The following TENM3 variants were observed in gnomAD, a reference collection of about 807,000 sequenced individuals.
TENM3 encodes the protein teneurin-3.
A neutral mutation model predicts 255.1 loss-of-function variants in TENM3; 63 were observed. The observed-to-expected ratio is 0.25, with a 90% CI of 0.20 to 0.30. The LOEUF (loss-of-function observed/expected upper bound fraction) is 0.30. TENM3 is among the 10% of genes least tolerant of loss of function. The pLI is 1.00. For synonymous variants in TENM3, 1,306 were observed against 1,322.3 expected (o/e 0.99, Z 0.27); for missense variants, 2,929 against 3,461.1 (o/e 0.85, Z 3.86).
intron 24 of TENM3, among the ~76,000 whole-genome samples, chr4:182,781,476 T>C (rs1765161767): frequency 6.6e-6 from 1 of 151,778 alleles, no homozygotes; most frequent in Admixed American, 6.6e-5. Flanking sequence ...TTATTGAGGA[T>C]TTTTGCATCA....
chr4:182,275,110 C>T (rs2150237650), intron 1 of TENM3, among the ~76,000 whole-genome samples: 1 of 152,266 alleles, frequency 6.6e-6, no homozygotes, highest in South Asian at 2.1e-4. Flanking sequence ...TAGGCTTGAG[C>T]CACCGCACCC....
the TENM3 span, among the ~76,000 whole-genome samples, chr4:181,765,418 A>C: frequency 6.6e-6 from 1 of 152,236 alleles, no homozygotes; most frequent in Non-Finnish European, 1.5e-5. Context: ...AAGCATTCAT[A>C]GAATTACCAC....
intron 3 of TENM3, among the ~76,000 whole-genome samples, chr4:182,543,143 A>C (rs1456933595): frequency 3.9e-5 from 6 of 152,276 alleles, no homozygotes; most frequent in Non-Finnish European, 7.4e-5. Flanking sequence ...GCATGGATGC[A>C]AGGATGGAGG....
intron 1 of TENM3, among the ~76,000 whole-genome samples, chr4:182,145,647 C>G (rs1031909223): frequency 6.6e-6 from 1 of 152,132 alleles, no homozygotes; most frequent in African/African-American, 2.4e-5. Flanking sequence ...ACATCACACA[C>G]GTGTGTTTCC....
upstream of TENM3, among the ~76,000 whole-genome samples, chr4:182,242,123 T>C (rs1757315964): frequency 9.4e-6 from 1 of 106,586 alleles, no homozygotes; most frequent in Admixed American, 8.9e-5. Context: ...GTTTGTTACA[T>C]ATATATACAT....
chr4:182,642,699 A>T (rs939829041), intron 5 of TENM3, among the ~76,000 whole-genome samples: 4 of 152,218 alleles, frequency 2.6e-5, no homozygotes, highest in Non-Finnish European at 5.9e-5. Context: ...CATAAAGCCT[A>T]TACTTTTAGA....
intron 22 of TENM3, among the ~76,000 whole-genome samples, chr4:182,760,028 C>T (rs1358910565): frequency 2.6e-5 from 4 of 152,102 alleles, no homozygotes; most frequent in Non-Finnish European, 5.9e-5. Flanking sequence ...ATATGTTTCA[C>T]GAGCTAAATA....
chr4:182,364,568 C>T (rs938551892), intron 3 of TENM3, among the ~76,000 whole-genome samples: 3 of 152,142 alleles, frequency 2.0e-5, no homozygotes, highest in Admixed American at 1.3e-4. Context: ...GGGCGCCCAC[C>T]ACCACGCCCG....
chr4:182,258,088 AATAT>A (rs1758541548), intron 1 of TENM3, among the ~76,000 whole-genome samples: 2 of 152,190 alleles, frequency 1.3e-5, no homozygotes, highest in Admixed American at 1.3e-4. Context: ...ACACACATAA[AATAT>A]ATAGTGTAGA....
chr4:182,679,195 A>C (rs558594981), intron 7 of TENM3, among the ~76,000 whole-genome samples: 1 of 147,016 alleles, frequency 6.8e-6, no homozygotes, highest in South Asian at 2.2e-4. Context: ...GTACCCCAGA[A>C]CTTAAAATAA....
the TENM3 span, among the ~76,000 whole-genome samples, chr4:181,549,244 C>T: frequency 6.6e-4 from 101 of 152,246 alleles, no homozygotes; most frequent in Non-Finnish European, 1.1e-3. Context: ...GACTGGAAGC[C>T]GGAGGCTCAG....
At chr4:182,128,484 G>A in the TENM3 span, among the ~76,000 whole-genome samples, 1 of 152,094 alleles carries the variant, frequency 6.6e-6, no homozygotes, top group Non-Finnish European at 1.5e-5. Flanking sequence ...GGGATTACAG[G>A]CTTCAGCCAC....
intron 5 of TENM3, among the ~76,000 whole-genome samples, chr4:182,649,645 A>G (rs1483735870): frequency 1.3e-5 from 2 of 150,638 alleles, no homozygotes; most frequent in Non-Finnish European, 1.5e-5. Context: ...GTTAAACAAA[A>G]TAGCCTGTTC....
the TENM3 span, among the ~76,000 whole-genome samples, chr4:181,599,375 G>A: frequency 6.6e-6 from 1 of 152,160 alleles, no homozygotes; most frequent in Non-Finnish European, 1.5e-5. Context: ...GCAGGACACT[G>A]TAACGTCGAT....
chr4:182,197,031 G>A (rs1753871420), intron 1 of TENM3, among the ~76,000 whole-genome samples: 1 of 152,132 alleles, frequency 6.6e-6, no homozygotes, highest in Non-Finnish European at 1.5e-5. Flanking sequence ...CCTCGGAGTT[G>A]CTGTTGCATT....
At chr4:181,826,648 GT>G in the TENM3 span, among the ~76,000 whole-genome samples, 1 of 152,132 alleles carries the variant, frequency 6.6e-6, no homozygotes, top group Non-Finnish European at 1.5e-5. Flanking sequence ...GGCAACCAGC[GT>G]TTTGTTGATT....
the TENM3 span, among the ~76,000 whole-genome samples, chr4:181,791,319 A>G: frequency 1.3e-5 from 2 of 152,292 alleles, no homozygotes; most frequent in African/African-American, 4.8e-5. Flanking sequence ...TTTTCCTACA[A>G]TGAAATAATA....
chr4:181,722,821 G>A, the TENM3 span, among the ~76,000 whole-genome samples: 1 of 151,924 alleles, frequency 6.6e-6, no homozygotes, highest in Non-Finnish European at 1.5e-5. Flanking sequence ...GATTTTTAAT[G>A]GCTGCAGGTA....
the TENM3 span, chr4:181,522,556 A>G: frequency 2.6e-6 from 1 of 386,374 alleles, no homozygotes. Context: ...TGTAGCATTG[A>G]ACTGATATTA....
Sources: gnomAD v4.1 joint callset for allele counts (sites outside exome capture counted in the v4.1 genomes callset) on GRCh38, gnomAD v4.1.1 for gene constraint, MANE v1.5 for transcripts, NCBI Gene and HGNC (gene_info 2026-07-23, HGNC 2026-07-21) for gene names.